The following REC114 variants were observed in gnomAD, a reference collection of about 807,000 sequenced individuals.
REC114 encodes the protein meiotic recombination protein REC114.
REC114 carries 27 observed loss-of-function variants against 31.3 expected under a neutral mutation model. That is an observed-to-expected ratio of 0.86 (90% CI 0.64 to 1.19). The LOEUF is 1.19. Ranked by LOEUF, REC114 falls within the 50% of genes most tolerant of loss-of-function variation. The pLI, the probability that REC114 is intolerant of heterozygous loss-of-function variation, is 0.00. For missense variants in REC114, 344 were observed against 326.9 expected, an observed-to-expected ratio of 1.05 and a Z score of -0.40; for synonymous variants, 134 against 127.7, an observed-to-expected ratio of 1.05 and a Z score of -0.33.
rs780351209 is a variant in REC114, at chr15:73,443,166, T to C, written c.-20T>C. The C allele has an allele frequency of 4.5e-6, 7 of 1,540,070 alleles. No individual in the cohort carries two copies. In the South Asian group the frequency reaches 6.2e-5, roughly 14 times the overall value. On this transcript the variant is annotated 5_prime_UTR_variant, in exon 1 of 6. Transcript: ENST00000331090. ...CAGATTGGCAGGTCCCCGCCGGCAG[T>C]GCGTGTGGTGAGGCAGGACATGGCG...
chr15:73,506,909 T>A (rs1893686097), intron 2 of REC114, among the ~76,000 whole-genome samples: 1 of 152,130 alleles, frequency 6.6e-6, no homozygotes, highest in Admixed American at 6.6e-5. Flanking sequence ...CTTTGGTATA[T>A]CAAATAAAAT....
intron 4 of REC114, among the ~76,000 whole-genome samples, chr15:73,552,183 C>G (rs1894402729): frequency 6.6e-6 from 1 of 152,200 alleles, no homozygotes. Flanking sequence ...TTAAGCAACT[C>G]ACTCGTTGAG....
chr15:73,464,275 A>C (rs1361502016), intron 1 of REC114, among the ~76,000 whole-genome samples: 1 of 152,012 alleles, frequency 6.6e-6, no homozygotes, highest in Non-Finnish European at 1.5e-5. Flanking sequence ...TTCATAAAAT[A>C]GTTTTAGCTT....
chr15:73,474,299 G>A (rs889173842), intron 2 of REC114, among the ~76,000 whole-genome samples: 2 of 152,102 alleles, frequency 1.3e-5, no homozygotes, highest in Non-Finnish European at 2.9e-5. Context: ...AAACAAAAAG[G>A]TGTTACTGTT....
intron 2 of REC114, among the ~76,000 whole-genome samples, chr15:73,520,431 A>G (rs980617983): frequency 1.3e-5 from 2 of 152,120 alleles, no homozygotes; most frequent in African/African-American, 4.8e-5. Flanking sequence ...GGGTTTCACC[A>G]TGTTGGCCAG....
At chr15:73,477,253 C>G (rs1893228254) in intron 2 of REC114, among the ~76,000 whole-genome samples, 1 of 152,144 alleles carries the variant, frequency 6.6e-6, no homozygotes, top group South Asian at 2.1e-4. Flanking sequence ...ACTCTTTTAT[C>G]AGAAATGTGT....
intron 2 of REC114, among the ~76,000 whole-genome samples, chr15:73,494,963 T>C (rs1893498241): frequency 6.6e-6 from 1 of 152,234 alleles, no homozygotes; most frequent in African/African-American, 2.4e-5. Flanking sequence ...CACTTTTGTT[T>C]TGTTGCACTT....
intron 2 of REC114, among the ~76,000 whole-genome samples, chr15:73,511,104 A>G (rs2141314727): frequency 6.6e-6 from 1 of 152,048 alleles, no homozygotes; most frequent in East Asian, 1.9e-4. Flanking sequence ...ACTATTGATA[A>G]TTGCCACAAT....
intron 2 of REC114, among the ~76,000 whole-genome samples, chr15:73,490,977 T>G (rs1000687393): frequency 6.6e-6 from 1 of 152,164 alleles, no homozygotes; most frequent in African/African-American, 2.4e-5. Context: ...TAATTCAGCA[T>G]GATGTTTTTG....
At chr15:73,501,907 G>GTT (rs1037437005) in intron 2 of REC114, among the ~76,000 whole-genome samples, 43 of 152,088 alleles carry the variant, frequency 2.8e-4, no homozygotes, top group African/African-American at 9.9e-4. Flanking sequence ...CCGGAGTAGA[G>GTT]TTTATTTTCT....
intron 2 of REC114, among the ~76,000 whole-genome samples, chr15:73,505,794 A>C (rs962224320): frequency 6.6e-6 from 1 of 151,996 alleles, no homozygotes; most frequent in Non-Finnish European, 1.5e-5. Context: ...GGCCTCCCAA[A>C]GTGCTGGGAT....
chr15:73,558,385 C>A (rs1185926830), intron 5 of REC114, among the ~76,000 whole-genome samples: 1 of 152,152 alleles, frequency 6.6e-6, no homozygotes, highest in Non-Finnish European at 1.5e-5. Context: ...AACTGGAGCC[C>A]ATCATCGTCA....
At chr15:73,453,297 A>C (rs1441174532) in intron 1 of REC114, among the ~76,000 whole-genome samples, 1 of 152,184 alleles carries the variant, frequency 6.6e-6, no homozygotes, top group Non-Finnish European at 1.5e-5. Flanking sequence ...GAAAAAGTCA[A>C]CCCCATCAAA....
chr15:73,510,246 CTGT>C (rs1199418762), intron 2 of REC114, among the ~76,000 whole-genome samples: 1 of 152,050 alleles, frequency 6.6e-6, no homozygotes, highest in Non-Finnish European at 1.5e-5. Context: ...CTCTGTTTGT[CTGT>C]TGTTGGTGTA....
At chr15:73,547,078 TAA>T (rs577946322) in intron 3 of REC114, among the ~76,000 whole-genome samples, 2 of 151,958 alleles carry the variant, frequency 1.3e-5, no homozygotes, top group Admixed American at 6.6e-5. Context: ...CACTTTAAGT[TAA>T]AAAGCTTCTG....
chr15:73,444,680 A>G (rs76847511), intron 1 of REC114, among the ~76,000 whole-genome samples: 8,481 of 152,256 alleles, frequency 0.056, 273 homozygotes, highest in East Asian at 0.11. Flanking sequence ...TAATGTTGAT[A>G]TGTTGACCTC....
chr15:73,552,028 T>C (rs1032914719), intron 4 of REC114, among the ~76,000 whole-genome samples: 26 of 152,196 alleles, frequency 1.7e-4, no homozygotes, highest in Admixed American at 6.5e-5. Context: ...TGAATCAGTA[T>C]TGTCCAGATG....
Position 73,450,772 on chromosome 15 carries a change from C to A in REC114, c.159+7428C>A, listed in dbSNP as rs188449389. Reference sequence around the variant, plus strand: ...TTAGCGAATGCAAAAGAACGGAAATCATAACAAACAATCTCTCAGTCCACA... The same window carrying A: ...TTAGCGAATGCAAAAGAACGGAAATAATAACAAACAATCTCTCAGTCCACA... On this transcript the variant is annotated intron_variant, in intron 1 of 5. Transcript: ENST00000331090. Among the ~76,000 whole-genome samples the A allele has an allele frequency of 1.8e-3, 275 of 152,238 alleles. 1 individual carries two copies. The highest frequency in any genetic ancestry group is 6.4e-3 in the African/African-American group (264 of 41,540).
intron 1 of REC114, among the ~76,000 whole-genome samples, chr15:73,445,055 T>C (rs1382986003): frequency 6.6e-6 from 1 of 152,204 alleles, no homozygotes; most frequent in African/African-American, 2.4e-5. Flanking sequence ...TATAAACAAA[T>C]GTGCTATCAT....
Sources: gnomAD v4.1 joint callset for allele counts (sites outside exome capture counted in the v4.1 genomes callset) on GRCh38, gnomAD v4.1.1 for gene constraint, MANE v1.5 for transcripts, NCBI Gene and HGNC (gene_info 2026-07-23, HGNC 2026-07-21) for gene names.